NRXN1: variants seen among roughly 807,000 people sequenced by gnomAD.
NRXN1 encodes neurexin 1.
A neutral mutation model predicts 150.9 loss-of-function variants in NRXN1; 39 were observed. The ratio of observed to expected loss-of-function variants is 0.26; its 90% confidence interval spans 0.20 to 0.34. The LOEUF (loss-of-function observed/expected upper bound fraction) is 0.34, where lower values mean the gene tolerates loss of function less well. Among genes scored for constraint, NRXN1 ranks in the 10% least tolerant of loss-of-function variants. The pLI, the probability that NRXN1 is intolerant of heterozygous loss-of-function variation, is 1.00. For synonymous variants in NRXN1, 924 were observed against 757.0 expected (o/e 1.22, Z -3.62); for missense variants, 1,815 against 1,949.9 (o/e 0.93, Z 1.30).
chr2:49,969,096 G>A (rs1677476780), intron 21 of NRXN1, among the ~76,000 whole-genome samples: 1 of 152,104 alleles, frequency 6.6e-6, no homozygotes, highest in Non-Finnish European at 1.5e-5. Flanking sequence ...CTCTTGGCAA[G>A]TCCAACAGTA....
At chr2:50,755,299 T>C (rs2105350530) in intron 5 of NRXN1, among the ~76,000 whole-genome samples, 1 of 151,982 alleles carries the variant, frequency 6.6e-6, no homozygotes, top group Non-Finnish European at 1.5e-5. Context: ...AGAGTCTTCA[T>C]TTCCTTATTT....
chr2:50,945,921 CAT>C (rs1690295613), intron 2 of NRXN1, among the ~76,000 whole-genome samples: 2 of 147,790 alleles, frequency 1.4e-5, no homozygotes, highest in South Asian at 2.1e-4. Flanking sequence ...CACACACACA[CAT>C]CTTTACTTGT....
Position 50,332,965 on chromosome 2 carries a change from A to G in NRXN1, c.3365-95995T>C, listed in dbSNP as rs145250917. Among the ~76,000 whole-genome samples, 381 of 152,366 alleles carry G rather than the reference A, an allele frequency of 2.5e-3. 2 individuals carry two copies. Among genetic ancestry groups the G allele is most frequent in the African/African-American group, 8.4e-3 (349 of 41,580 alleles). On this transcript the variant is annotated intron_variant, in intron 17 of 22. Coordinates refer to ENST00000401669, the MANE Select transcript of NRXN1 (RefSeq NM_001330078.2). ...CACTAACAAAATGTATTAAAAGTCA[A>G]TCGATAATACTGGCCATCACACCAA...
intron 8 of NRXN1, among the ~76,000 whole-genome samples, chr2:50,610,148 T>C (rs975034261): frequency 6.6e-6 from 1 of 152,168 alleles, no homozygotes; most frequent in East Asian, 1.9e-4. Flanking sequence ...TATCATCTCA[T>C]AATAGAAATT....
At chr2:50,939,970 T>C (rs916125014) in intron 2 of NRXN1, among the ~76,000 whole-genome samples, 3 of 152,160 alleles carry the variant, frequency 2.0e-5, no homozygotes, top group Admixed American at 1.3e-4. Flanking sequence ...CATTTAGAAT[T>C]ATAAAGCCAT....
chr2:50,297,753 G>C (rs893925645), intron 17 of NRXN1, among the ~76,000 whole-genome samples: 8 of 152,088 alleles, frequency 5.3e-5, no homozygotes, highest in Non-Finnish European at 1.2e-4. Context: ...GACCATACAG[G>C]TGATATAAAA....
intron 5 of NRXN1, among the ~76,000 whole-genome samples, chr2:50,767,999 A>C (rs1702565945): frequency 6.6e-6 from 1 of 152,138 alleles, no homozygotes; most frequent in East Asian, 1.9e-4. Flanking sequence ...CCGATAATTT[A>C]TCATATTCTG....
rs1671090989 is a variant in NRXN1, at chr2:51,029,174, C to G, written c.-901G>C. The G allele has an allele frequency of 6.6e-6, 1 of 152,200 alleles. No individual in the cohort carries two copies. Among genetic ancestry groups the G allele is most frequent in the Non-Finnish European group, 1.5e-5 (1 of 68,038 alleles). 9.4% of individuals were successfully genotyped at this position (152,200 alleles called of 1,614,324 possible). ...GTGATGCATTTTGGTTTTATCTTGT[C>G]TTTTTTAAGGACTCAGACATCTGCA... On this transcript the variant is annotated 5_prime_UTR_variant, in exon 2 of 23. Transcript: ENST00000401669.
intron 11 of NRXN1, 65 bp from the exon 12 acceptor site, chr2:50,528,716 A>G: frequency 9.7e-7 from 1 of 1,034,638 alleles, no homozygotes; most frequent in Non-Finnish European, 1.5e-6. Flanking sequence ...GCAGACATCC[A>G]ATAAAATTAC....
intron 17 of NRXN1, among the ~76,000 whole-genome samples, chr2:50,371,359 A>G (rs921368064): frequency 1.3e-4 from 20 of 152,152 alleles, no homozygotes; most frequent in African/African-American, 4.3e-4. Context: ...CTTCAATACT[A>G]TCAATGTTGA....
In NRXN1 at chr2:50,347,197, A is replaced by G. The variant is rs1432295802; in HGVS notation, c.3365-110227T>C. On this transcript the variant is annotated intron_variant, in intron 17 of 22. Coordinates refer to ENST00000401669, the MANE Select transcript of NRXN1 (RefSeq NM_001330078.2). This position sits in a 1 kb window ranked among gnomAD's most constrained non-coding sequence, Gnocchi z 4.9. ...CAGCTGGAGAGGGGCTTGTCCGGAA[A>G]GGCAGCCCCGGGAACAGCAAGCGCG... 1.5e-6 allele frequency: 2 copies of G among 1,349,216 alleles called. No homozygotes were observed. Among genetic ancestry groups the G allele is most frequent in the South Asian group, 2.5e-5 (2 of 81,554 alleles). 83.6% of individuals were successfully genotyped at this position (1,349,216 alleles called of 1,614,324 possible).
At chr2:50,372,122 G>A (rs1389449753) in intron 17 of NRXN1, among the ~76,000 whole-genome samples, 1 of 152,004 alleles carries the variant, frequency 6.6e-6, no homozygotes, top group African/African-American at 2.4e-5. Flanking sequence ...GGTCATAAGA[G>A]CCAAGATCCC....
At chr2:50,354,586 T>TATATATATATAC (rs1273118975) in intron 17 of NRXN1, among the ~76,000 whole-genome samples, 2,020 of 123,910 alleles carry the variant, frequency 0.016, 28 homozygotes, top group Non-Finnish European at 0.025. Flanking sequence ...TATATATATA[T>TATATATATATAC]ACACACACAC....
chr2:50,755,307 T>C lies in NRXN1; in HGVS notation c.833-131692A>G, dbSNP rs527459012. Among the ~76,000 whole-genome samples the C allele has an allele frequency of 3.6e-4, 55 of 151,996 alleles. 1 individual carries two copies. In the South Asian group the frequency reaches 0.011, roughly 30 times the overall value. On this transcript the variant is annotated intron_variant, in intron 5 of 22. Transcript: ENST00000401669. ...ACCTCTCAGAGTCTTCATTTCCTTA[T>C]TTGTAAAATGGAATGAAAACAGCCT...
intron 17 of NRXN1, among the ~76,000 whole-genome samples, chr2:50,352,753 G>GATA (rs201046323): frequency 0.029 from 2,413 of 83,736 alleles, 39 homozygotes; most frequent in African/African-American, 0.057. Flanking sequence ...TAAGAGCATT[G>GATA]ATAATAATAA....
At chr2:50,223,610 C>T (rs1037493465) in intron 18 of NRXN1, among the ~76,000 whole-genome samples, 2 of 151,868 alleles carry the variant, frequency 1.3e-5, no homozygotes, top group African/African-American at 4.8e-5. Context: ...GGATTTGGAG[C>T]CCCCAAAGCC....
chr2:50,836,641 G>C (rs1672145235), intron 5 of NRXN1, among the ~76,000 whole-genome samples: 1 of 151,982 alleles, frequency 6.6e-6, no homozygotes, highest in South Asian at 2.1e-4. Flanking sequence ...TGTCAAAAAT[G>C]ACAGGATTTC....
intron 5 of NRXN1, among the ~76,000 whole-genome samples, chr2:50,719,388 T>G (rs1696314753): frequency 6.6e-6 from 1 of 152,040 alleles, no homozygotes; most frequent in South Asian, 2.1e-4. Context: ...AAGTTTCGTT[T>G]TCCGGCTGGG....
intron 18 of NRXN1, among the ~76,000 whole-genome samples, chr2:50,156,360 C>T (rs1265288629): frequency 6.6e-6 from 1 of 151,794 alleles, no homozygotes; most frequent in Non-Finnish European, 1.5e-5. Flanking sequence ...TCAGCACTAG[C>T]GTGCCTGTGT....
Sources: gnomAD v4.1 joint callset for allele counts (sites outside exome capture counted in the v4.1 genomes callset) on GRCh38, gnomAD v4.1.1 for gene constraint, Gnocchi (gnomAD v3.1) non-coding constraint, MANE v1.5 for transcripts, NCBI Gene and HGNC (gene_info 2026-07-23, HGNC 2026-07-21) for gene names.